The following LRCH1 variants were observed in gnomAD, a reference collection of about 807,000 sequenced individuals.
LRCH1 encodes the protein leucine rich repeats and calponin homology domain containing 1, also known as leucine-rich repeat and calponin homology domain-containing protein 1.
A neutral mutation model predicts 94.9 loss-of-function variants in LRCH1; 23 were observed. The ratio of observed to expected loss-of-function variants is 0.24; its 90% CI spans 0.17 to 0.34. LRCH1 has a LOEUF of 0.34. Ranked by LOEUF, LRCH1 falls within the 10% of genes least tolerant of loss-of-function variation. The pLI, the probability that LRCH1 is intolerant of heterozygous loss-of-function variation, is 1.00. For missense variants in LRCH1, 790 were observed against 945.9 expected (o/e 0.84, Z 2.16); for synonymous variants, 364 against 354.9 (o/e 1.03, Z -0.29).
rs188715614 is a variant in LRCH1 at position 46,718,488 on chromosome 13, T to C, written c.1759+2824T>C. On this transcript the variant is annotated intron_variant, in intron 16 of 19. Transcript: ENST00000389797. ...CCCCATAGTCAGAAATGCTAATTTATTTGGTGTAGCATTGAGTCTAAGCAC... is the reference window on the plus strand; with the variant it reads ...CCCCATAGTCAGAAATGCTAATTTACTTGGTGTAGCATTGAGTCTAAGCAC... Among the ~76,000 whole-genome samples the C allele has an allele frequency of 3.3e-5, 5 of 152,330 alleles. No homozygotes were observed. The East Asian group carries it at 9.6e-4, about 29-fold the overall frequency.
At chr13:46,575,293 A>C (rs2137928379) in intron 1 of LRCH1, among the ~76,000 whole-genome samples, 1 of 152,230 alleles carries the variant, frequency 6.6e-6, no homozygotes, top group East Asian at 1.9e-4. Context: ...TGTGCACCCC[A>C]GACATTGATG....
intron 1 of LRCH1, among the ~76,000 whole-genome samples, chr13:46,620,164 G>A (rs1476377930): frequency 6.6e-6 from 1 of 152,104 alleles, no homozygotes; most frequent in Non-Finnish European, 1.5e-5. Flanking sequence ...CTACCCAGTG[G>A]CCTATCCCCA....
chr13:46,696,624 C>T (rs375193949), intron 9 of LRCH1, among the ~76,000 whole-genome samples: 3 of 152,064 alleles, frequency 2.0e-5, no homozygotes, highest in African/African-American at 7.2e-5. Context: ...GTGTGGAAGT[C>T]AACTTGGCAA....
At chr13:46,699,685 TTC>T (rs1871364822) in intron 10 of LRCH1, among the ~76,000 whole-genome samples, 1 of 152,070 alleles carries the variant, frequency 6.6e-6, no homozygotes, top group African/African-American at 2.4e-5. Flanking sequence ...AGATTGGAGG[TTC>T]TACCATCCAT....
rs191512238 is a variant in LRCH1, at chr13:46,559,377, T to A, written c.307+5674T>A. 3.3e-5 allele frequency among the ~76,000 whole-genome samples: 5 copies of A among 152,356 alleles called. No individual in the cohort carries two copies. In the South Asian group the frequency reaches 1.0e-3, roughly 32 times the overall value. On this transcript the variant is annotated intron_variant, in intron 1 of 19. Coordinates refer to ENST00000389797, the MANE Select transcript of LRCH1 (RefSeq NM_001164211.2). ...TGTTTATTACATGTATTCTAAATAT[T>A]CTTCCATTCATAAACTATGATTCAT...
intron 13 of LRCH1, among the ~76,000 whole-genome samples, chr13:46,708,975 G>C (rs1193017956): frequency 6.6e-6 from 1 of 152,240 alleles, no homozygotes; most frequent in Non-Finnish European, 1.5e-5. Flanking sequence ...GAGAGGGAGA[G>C]AGATAGGAAA....
intron 7 of LRCH1, 63 bp from the exon 8 acceptor site, chr13:46,692,473 C>T: frequency 6.2e-6 from 7 of 1,125,122 alleles, no homozygotes; most frequent in East Asian, 2.4e-5. Flanking sequence ...TATTACATAG[C>T]ATTCTCCTTA....
At chr13:46,696,194 GTA>G (rs1491388140) in intron 9 of LRCH1, among the ~76,000 whole-genome samples, 6 of 117,950 alleles carry the variant, frequency 5.1e-5, no homozygotes, top group African/African-American at 2.1e-4. Context: ...ATGCATGTGT[GTA>G]CACACACACA....
At chr13:46,557,295 G>C (rs1046009120) in intron 1 of LRCH1, among the ~76,000 whole-genome samples, 5 of 151,904 alleles carry the variant, frequency 3.3e-5, no homozygotes, top group Non-Finnish European at 7.4e-5. Flanking sequence ...ATTGCAGGAG[G>C]TTCTAGAAAA....
At chr13:46,622,307 C>G (rs1323388747) in intron 1 of LRCH1, among the ~76,000 whole-genome samples, 1 of 151,940 alleles carries the variant, frequency 6.6e-6, no homozygotes, top group Non-Finnish European at 1.5e-5. Context: ...GACACTAGAA[C>G]CCTGCAAAGG....
rs1870373251 is a variant in LRCH1 at position 46,682,535 on chromosome 13, A to G, written c.685+689A>G. ...TGGGTATGGGTATGTGACGTTTTGG[A>G]ACGTGAAATTTCGGGGACATACTTT... On this transcript the variant is annotated intron_variant, in intron 4 of 19. Transcript: ENST00000389797. Among the ~76,000 whole-genome samples, 6 of 152,262 alleles carry G rather than the reference A, an allele frequency of 3.9e-5. 1 individual carries two copies. In the South Asian group the frequency reaches 1.2e-3, roughly 32 times the overall value.
chr13:46,580,528 G>A (rs187843723), intron 1 of LRCH1, among the ~76,000 whole-genome samples: 3 of 152,292 alleles, frequency 2.0e-5, no homozygotes, highest in Admixed American at 6.5e-5. Context: ...CAGTCTTAAC[G>A]TGGGAATTGG....
intron 1 of LRCH1, among the ~76,000 whole-genome samples, chr13:46,580,177 G>A (rs1385781304): frequency 6.6e-6 from 1 of 152,122 alleles, no homozygotes; most frequent in Non-Finnish European, 1.5e-5. Context: ...TGGATAATAA[G>A]CTAGCTCTGA....
At chr13:46,687,649 A>C (rs1471451992) in intron 5 of LRCH1, among the ~76,000 whole-genome samples, 1 of 152,236 alleles carries the variant, frequency 6.6e-6, no homozygotes, top group African/African-American at 2.4e-5. Flanking sequence ...TTGCTTAAGC[A>C]TGATTTTCTA....
intron 1 of LRCH1, among the ~76,000 whole-genome samples, chr13:46,556,338 TA>T (rs1214750266): frequency 1.1e-4 from 16 of 152,376 alleles, no homozygotes; most frequent in Non-Finnish European, 2.4e-4. Flanking sequence ...AATAGATGTC[TA>T]AGCTGTCACT....
At chr13:46,686,134 G>A in intron 5 of LRCH1, 93 bp downstream of exon 5, 1 of 1,262,142 alleles carries the variant, frequency 7.9e-7, no homozygotes, top group South Asian at 2.7e-5. Context: ...AAAGTTTGCT[G>A]AAAATCACTA....
At chr13:46,707,682 A>G (rs980802282) in intron 13 of LRCH1, among the ~76,000 whole-genome samples, 2 of 152,208 alleles carry the variant, frequency 1.3e-5, no homozygotes, top group Non-Finnish European at 2.9e-5. Context: ...GGTCATTCCA[A>G]TAATTTTGTC....
At chr13:46,678,689 C>G (rs528305999) in intron 3 of LRCH1, among the ~76,000 whole-genome samples, 1 of 152,304 alleles carries the variant, frequency 6.6e-6, no homozygotes, top group East Asian at 1.9e-4. Flanking sequence ...ATTTTCCCTA[C>G]TGCCAAATAA....
chr13:46,667,953 T>C (rs7993645), intron 2 of LRCH1, among the ~76,000 whole-genome samples: 96,712 of 152,084 alleles, frequency 0.64, 31,242 homozygotes, highest in Middle Eastern at 0.72. Context: ...ATAAATACAC[T>C]CACACAGGAA....
Sources: gnomAD v4.1 joint callset for allele counts (sites outside exome capture counted in the v4.1 genomes callset) on GRCh38, gnomAD v4.1.1 for gene constraint, MANE v1.5 for transcripts, NCBI Gene and HGNC (gene_info 2026-07-23, HGNC 2026-07-21) for gene names.